FAM135A: variants seen among roughly 807,000 people sequenced by gnomAD.
FAM135A encodes protein FAM135A.
Under a neutral mutation model 146.8 loss-of-function variants are expected in FAM135A, and 79 were observed. The ratio of observed to expected loss-of-function variants is 0.54; its 90% CI spans 0.45 to 0.65. The LOEUF is 0.65. FAM135A is among the 30% of genes least tolerant of loss of function. The pLI is 0.00. For synonymous variants in FAM135A, 562 were observed against 603.6 expected (o/e 0.93, Z 1.01); for missense variants, 1,623 against 1,758.2 (o/e 0.92, Z 1.38).
At chr6:70,455,630 C>G (rs565165681) in intron 5 of FAM135A, among the ~76,000 whole-genome samples, 1 of 152,110 alleles carries the variant, frequency 6.6e-6, no homozygotes, top group East Asian at 1.9e-4. Context: ...TTTGAACATC[C>G]TTGAATCTAG....
At chr6:70,532,786 G>T (rs1268809459) in intron 16 of FAM135A, among the ~76,000 whole-genome samples, 2 of 152,134 alleles carry the variant, frequency 1.3e-5, no homozygotes, top group Non-Finnish European at 2.9e-5. Flanking sequence ...CAAAATATTA[G>T]CTGGGCATGG....
Position 70,464,833 on chromosome 6 carries a change from ATTT to A in FAM135A, c.158-10550_158-10548del, listed in dbSNP as rs67408160. On this transcript the variant is annotated intron_variant, in intron 5 of 21. Transcript: ENST00000418814. Reference sequence around the variant, plus strand: ...AGGCATGCACCACCACGCCTGGCCAATTTTTTTTTTTTTTTTTTTTTTTTTTTT... The same window carrying A: ...AGGCATGCACCACCACGCCTGGCCAATTTTTTTTTTTTTTTTTTTTTTTTT... 5.9e-3 allele frequency among the ~76,000 whole-genome samples: 382 copies of A among 64,250 alleles called. 2 individuals are homozygous for A. Among genetic ancestry groups the A allele is most frequent in the African/African-American group, 0.015 (216 of 13,994 alleles). The allele number at this position is 64,250 out of a possible 152,430, so 42.2% of individuals were successfully genotyped here.
At chr6:70,536,869 A>G (rs923772299) in intron 19 of FAM135A, among the ~76,000 whole-genome samples, 9 of 152,144 alleles carry the variant, frequency 5.9e-5, no homozygotes, top group African/African-American at 1.9e-4. Context: ...AGAAGTTAAT[A>G]TGAAAGTTAA....
chr6:70,500,471 G>A (rs1222500605), intron 11 of FAM135A, among the ~76,000 whole-genome samples: 1 of 152,154 alleles, frequency 6.6e-6, no homozygotes, highest in Non-Finnish European at 1.5e-5. Context: ...ACCTTCTGAA[G>A]CCTCCTTCTG....
intron 5 of FAM135A, among the ~76,000 whole-genome samples, chr6:70,459,891 C>A (rs1779109142): frequency 6.6e-6 from 1 of 152,112 alleles, no homozygotes; most frequent in South Asian, 2.1e-4. Context: ...ATTAGCCAGG[C>A]GTGGTGGCGG....
At chr6:70,546,953 G>A (rs988023859) in intron 20 of FAM135A, among the ~76,000 whole-genome samples, 2 of 152,160 alleles carry the variant, frequency 1.3e-5, no homozygotes, top group African/African-American at 4.8e-5. Flanking sequence ...CAGTGTTGAA[G>A]TAGTCAAGAT....
intron 20 of FAM135A, among the ~76,000 whole-genome samples, chr6:70,546,709 A>G (rs1798929669): frequency 6.6e-6 from 1 of 152,224 alleles, no homozygotes; most frequent in Admixed American, 6.5e-5. Context: ...TGTTACTTTT[A>G]AAGGGAAATT....
intron 12 of FAM135A, among the ~76,000 whole-genome samples, chr6:70,519,889 C>T (rs1335033209): frequency 6.7e-6 from 1 of 149,112 alleles, no homozygotes; most frequent in Non-Finnish European, 1.5e-5. Flanking sequence ...ACTAAACATA[C>T]TTTAGTATAG....
intron 12 of FAM135A, among the ~76,000 whole-genome samples, chr6:70,520,909 A>G (rs1793427045): frequency 1.3e-5 from 2 of 152,230 alleles, no homozygotes; most frequent in South Asian, 4.1e-4. Context: ...TTCTGATAAC[A>G]AGGAGTCTTA....
At chr6:70,521,927 T>G (rs972875915) in intron 12 of FAM135A, among the ~76,000 whole-genome samples, 19 of 152,182 alleles carry the variant, frequency 1.2e-4, no homozygotes, top group African/African-American at 4.3e-4. Context: ...TTTGTTTTGT[T>G]TTTTTGAGAC....
At chr6:70,513,593 T>C (rs1791540576) in intron 12 of FAM135A, among the ~76,000 whole-genome samples, 1 of 152,016 alleles carries the variant, frequency 6.6e-6, no homozygotes, top group Admixed American at 6.6e-5. Flanking sequence ...TGAAGTTTAC[T>C]CATAAGCATT....
chr6:70,556,492 C>G (rs1297920763), intron 20 of FAM135A, among the ~76,000 whole-genome samples: 1 of 152,178 alleles, frequency 6.6e-6, no homozygotes, highest in Non-Finnish European at 1.5e-5. Context: ...TCCCGCCTAT[C>G]TCCACACCAC....
At chr6:70,520,834 C>G (rs1379471313) in intron 12 of FAM135A, among the ~76,000 whole-genome samples, 1 of 152,130 alleles carries the variant, frequency 6.6e-6, no homozygotes, top group Non-Finnish European at 1.5e-5. Context: ...GTAATAGCTA[C>G]AGCATGATAA....
At chr6:70,522,454 T>C in intron 12 of FAM135A, 59 bp from the exon 13 acceptor site, 2 of 1,469,166 alleles carry the variant, frequency 1.4e-6, no homozygotes, top group Non-Finnish European at 1.9e-6. Context: ...TACCATAAGA[T>C]GCCGGATTGA....
In FAM135A at chr6:70,416,350, T is replaced by C. The variant is rs571382837; in HGVS notation, c.-134+974T>C. Among the ~76,000 whole-genome samples, 6 of 152,360 alleles carry C rather than the reference T, an allele frequency of 3.9e-5. No homozygotes were observed. The South Asian group carries it at 1.2e-3, about 32-fold the overall frequency. On this transcript the variant is annotated intron_variant, in intron 2 of 21. Coordinates refer to ENST00000418814, the MANE Select transcript of FAM135A (RefSeq NM_001162529.3). ...AAAGGAAATGTAAGAGTTACACCTA[T>C]ATCTTTAGTTAATCCTTAATTTTCT...
At chr6:70,436,017 C>G (rs1217613943) in intron 4 of FAM135A, among the ~76,000 whole-genome samples, 3 of 152,032 alleles carry the variant, frequency 2.0e-5, no homozygotes, top group African/African-American at 7.2e-5. Context: ...AACCCTGTCT[C>G]TACTAAAAGT....
intron 15 of FAM135A, among the ~76,000 whole-genome samples, chr6:70,527,523 G>C (rs1475326533): frequency 6.6e-6 from 1 of 152,028 alleles, no homozygotes; most frequent in African/African-American, 2.4e-5. Flanking sequence ...TCACCGTCTG[G>C]TTACTTCAGA....
chr6:70,530,059 G>C (rs900216114), intron 16 of FAM135A, among the ~76,000 whole-genome samples: 4 of 147,192 alleles, frequency 2.7e-5, no homozygotes, highest in Admixed American at 1.3e-4. Context: ...CTAAGACTAC[G>C]TCTCAAAAAA....
chr6:70,490,401 TATC>T (rs1785640258), intron 10 of FAM135A, among the ~76,000 whole-genome samples: 1 of 152,144 alleles, frequency 6.6e-6, no homozygotes, highest in Non-Finnish European at 1.5e-5. Context: ...TGGTAAATAT[TATC>T]ATTTTAATTG....
Sources: gnomAD v4.1 joint callset for allele counts (sites outside exome capture counted in the v4.1 genomes callset) on GRCh38, gnomAD v4.1.1 for gene constraint, MANE v1.5 for transcripts, NCBI Gene and HGNC (gene_info 2026-07-23, HGNC 2026-07-21) for gene names.